The following L3MBTL4 variants were observed in gnomAD, a reference collection of about 807,000 sequenced individuals.
L3MBTL4 encodes L3MBTL histone methyl-lysine binding protein 4.
L3MBTL4 carries 70 observed loss-of-function variants against 84.5 expected under a neutral mutation model. That is an observed-to-expected ratio of 0.83 (90% CI 0.68 to 1.01). The LOEUF (loss-of-function observed/expected upper bound fraction) is 1.01, where lower values mean the gene tolerates loss of function less well. L3MBTL4 is among the 50% of genes least tolerant of loss of function. The pLI is 0.00. For synonymous variants in L3MBTL4, 274 were observed against 259.8 expected (o/e 1.05, Z -0.52); for missense variants, 715 against 754.8 (o/e 0.95, Z 0.62).
At chr18:6,319,710 T>C (rs142631830) in intron 1 of L3MBTL4, among the ~76,000 whole-genome samples, 1 of 152,114 alleles carries the variant, frequency 6.6e-6, no homozygotes, top group African/African-American at 2.4e-5. Context: ...ATTCAAAGAA[T>C]TGGTGCCAGT....
intron 1 of L3MBTL4, among the ~76,000 whole-genome samples, chr18:6,335,496 A>G (rs2052287735): frequency 6.6e-6 from 1 of 152,246 alleles, no homozygotes; most frequent in Non-Finnish European, 1.5e-5. Flanking sequence ...AAATAAAAAT[A>G]ATGCATGCTT....
rs181220487 is a variant in L3MBTL4, at chr18:6,294,837, G to C, written c.127+7066C>G. 2.5e-3 allele frequency among the ~76,000 whole-genome samples: 387 copies of C among 152,258 alleles called. 5 individuals are homozygous for C. Among genetic ancestry groups the C allele is most frequent in the Admixed American group, 0.023 (359 of 15,284 alleles). On this transcript the variant is annotated intron_variant, in intron 4 of 18. Coordinates refer to ENST00000317931, the MANE Select transcript of L3MBTL4 (RefSeq NM_001330559.2). Reference sequence around the variant, plus strand: ...AGAGACTTAGTATTGTCTTCAGAGGGGGTTCCTCTGTAGGATGGCATGAAG... The same window carrying C: ...AGAGACTTAGTATTGTCTTCAGAGGCGGTTCCTCTGTAGGATGGCATGAAG...
At chr18:6,381,366 C>T (rs2054589235) in intron 1 of L3MBTL4, among the ~76,000 whole-genome samples, 1 of 152,152 alleles carries the variant, frequency 6.6e-6, no homozygotes, top group African/African-American at 2.4e-5. Flanking sequence ...GAATTTGATT[C>T]TTTCACTATG....
intron 3 of L3MBTL4, among the ~76,000 whole-genome samples, chr18:6,304,043 C>A (rs977890574): frequency 1.6e-4 from 24 of 145,824 alleles, no homozygotes; most frequent in Non-Finnish European, 1.7e-4. Flanking sequence ...AAAAAAAAGA[C>A]TGCACATAGT....
intron 16 of L3MBTL4, among the ~76,000 whole-genome samples, chr18:6,074,845 T>G (rs550692111): frequency 6.6e-6 from 1 of 152,244 alleles, no homozygotes; most frequent in East Asian, 1.9e-4. Flanking sequence ...AGCTAAAAAT[T>G]TCCTTGGAAA....
chr18:6,045,174 A>G (rs2056561938), intron 16 of L3MBTL4, among the ~76,000 whole-genome samples: 1 of 152,242 alleles, frequency 6.6e-6, no homozygotes, highest in Non-Finnish European at 1.5e-5. Context: ...CCATCAGGCT[A>G]ACAGCAGACC....
intron 16 of L3MBTL4, among the ~76,000 whole-genome samples, chr18:6,025,921 A>G (rs528937407): frequency 2.0e-5 from 3 of 152,352 alleles, no homozygotes; most frequent in Non-Finnish European, 4.4e-5. Context: ...GTACCTGTCC[A>G]TGGCCTGTAG....
chr18:6,151,743 T>C (rs2042906810), intron 13 of L3MBTL4, among the ~76,000 whole-genome samples: 1 of 152,208 alleles, frequency 6.6e-6, no homozygotes, highest in Admixed American at 6.5e-5. Context: ...TCAAGATGTA[T>C]GACATGGTGA....
intron 16 of L3MBTL4, among the ~76,000 whole-genome samples, chr18:6,035,284 C>T (rs1165036717): frequency 6.6e-6 from 1 of 152,070 alleles, no homozygotes; most frequent in Non-Finnish European, 1.5e-5. Flanking sequence ...GGTTTTAGGT[C>T]TAACGTTTAA....
intron 1 of L3MBTL4, among the ~76,000 whole-genome samples, chr18:6,384,427 A>G (rs1231693504): frequency 6.6e-6 from 1 of 152,146 alleles, no homozygotes. Context: ...CTTCAGGGAG[A>G]GTAACGGGGT....
chr18:5,966,533 C>A (rs990091727), intron 17 of L3MBTL4, among the ~76,000 whole-genome samples: 1 of 152,144 alleles, frequency 6.6e-6, no homozygotes, highest in Non-Finnish European at 1.5e-5. Context: ...CCCATCCTCA[C>A]CCTATCTCTG....
intron 12 of L3MBTL4, among the ~76,000 whole-genome samples, chr18:6,179,884 T>C (rs1457384784): frequency 6.6e-6 from 1 of 152,218 alleles, no homozygotes; most frequent in Non-Finnish European, 1.5e-5. Context: ...GTGATCCTCC[T>C]GCCTCAGCCT....
chr18:6,389,238 C>T (rs2054945702), intron 1 of L3MBTL4, among the ~76,000 whole-genome samples: 1 of 152,054 alleles, frequency 6.6e-6, no homozygotes, highest in African/African-American at 2.4e-5. Context: ...TTCAGACAAA[C>T]AAATGCTGAG....
chr18:6,144,090 A>G (rs952766134), intron 13 of L3MBTL4, among the ~76,000 whole-genome samples: 25 of 149,132 alleles, frequency 1.7e-4, no homozygotes, highest in African/African-American at 5.4e-4. Context: ...CAGCTACTGG[A>G]GAGGCTGAGG....
intron 12 of L3MBTL4, among the ~76,000 whole-genome samples, chr18:6,200,220 C>T (rs75817340): frequency 0.089 from 13,481 of 152,222 alleles, 2,011 homozygotes; most frequent in African/African-American, 0.31. Context: ...TAAGAAGATG[C>T]AATTATATTT....
intron 14 of L3MBTL4, among the ~76,000 whole-genome samples, chr18:6,136,332 C>T (rs1419487598): frequency 6.6e-6 from 1 of 152,166 alleles, no homozygotes; most frequent in African/African-American, 2.4e-5. Context: ...AGAATAGGGT[C>T]TGGAGGCAGG....
At chr18:6,073,864 T>TAA (rs146853369) in intron 16 of L3MBTL4, among the ~76,000 whole-genome samples, 16 of 151,880 alleles carry the variant, frequency 1.1e-4, no homozygotes, top group Admixed American at 6.6e-5. Flanking sequence ...GTTTCTTTGT[T>TAA]AAAAAAAAAC....
chr18:6,285,734 C>T (rs1354547295), intron 4 of L3MBTL4, among the ~76,000 whole-genome samples: 2 of 151,918 alleles, frequency 1.3e-5, no homozygotes, highest in African/African-American at 4.8e-5. Flanking sequence ...TAGTTTGACC[C>T]ACCCTGTCTT....
intron 1 of L3MBTL4, among the ~76,000 whole-genome samples, chr18:6,411,190 G>A (rs531376155): frequency 3.9e-5 from 6 of 152,030 alleles, no homozygotes; most frequent in South Asian, 2.1e-4. Flanking sequence ...TAATTTCATC[G>A]TTCTGCTTTA....
Sources: gnomAD v4.1 joint callset for allele counts (sites outside exome capture counted in the v4.1 genomes callset) on GRCh38, gnomAD v4.1.1 for gene constraint, MANE v1.5 for transcripts, NCBI Gene and HGNC (gene_info 2026-07-23, HGNC 2026-07-21) for gene names.